Variants in SACS observed in about 807,000 individuals in gnomAD.
SACS encodes the protein sacsin molecular chaperone.
SACS carries 197 observed loss-of-function variants against 348.0 expected under a neutral mutation model. The ratio of observed to expected loss-of-function variants is 0.57; its 90% confidence interval spans 0.50 to 0.64. The LOEUF (loss-of-function observed/expected upper bound fraction) is 0.64. Ranked by LOEUF, SACS falls within the 30% of genes least tolerant of loss-of-function variation. The pLI is 0.00. For missense variants in SACS, 4,999 were observed against 5,360.8 expected (o/e 0.93, Z 2.11); for synonymous variants, 1,985 against 1,910.6 (o/e 1.04, Z -1.02).
rs757343472 is a variant in SACS at position 23,337,386 on chromosome 13, G to A, written c.6490C>T (p.Leu2164=). Reference sequence around the variant, plus strand: ...TCAGCTACTGACACTGCACGTTCTAGCATATCATCCCATAAAATATCATCT... The same window carrying A: ...TCAGCTACTGACACTGCACGTTCTAACATATCATCCCATAAAATATCATCT... ...AKDDILWDDM[L]ERAVSVAEIN... is the part of the protein sequence containing the mutation. Residue 2164 remains leucine, a synonymous_variant, in exon 10 of 10, where the codon CTA becomes TTA. Transcript: ENST00000382292. The A allele has an allele frequency of 1.2e-6, 2 of 1,613,616 alleles. No individual in the cohort carries two copies.
chr13:23,394,366 T>C (rs560116285), intron 2 of SACS, among the ~76,000 whole-genome samples: 149 of 152,312 alleles, frequency 9.8e-4, no homozygotes, highest in Admixed American at 1.3e-3. Context: ...ATGTCTCCCC[T>C]TGGGAATTTC....
intron 2 of SACS, among the ~76,000 whole-genome samples, chr13:23,401,402 C>A (rs1030543822): frequency 6.6e-6 from 1 of 152,220 alleles, no homozygotes; most frequent in African/African-American, 2.4e-5. Context: ...AGTCTTCATG[C>A]CTTTGCTTCA....
chr13:23,407,733 T>C (rs1471464330), intron 2 of SACS, among the ~76,000 whole-genome samples: 1 of 152,184 alleles, frequency 6.6e-6, no homozygotes, highest in African/African-American at 2.4e-5. Flanking sequence ...CCCCACGCCC[T>C]CTTTTTGACA....
intron 2 of SACS, among the ~76,000 whole-genome samples, chr13:23,390,020 T>G (rs7323108): frequency 0.84 from 128,320 of 152,040 alleles, 54,535 homozygotes; most frequent in East Asian, 1. Context: ...AAATTTTCAA[T>G]GGATTTGGTT....
chr13:23,336,391 T>C lies in SACS; in HGVS notation c.7485A>G (p.Lys2495=), dbSNP rs767941919. Residue 2495 remains lysine, a synonymous_variant, in exon 10 of 10, where the codon AAA becomes AAG. Transcript: ENST00000382292. ...HADIPREVAV[K]LGAVPKRHKA... ...TGTGTCGCTTTGGGACTGCTCCTAG[T>C]TTTACTGCTACTTCCCTGGGTATGT... 1.1e-5 allele frequency: 17 copies of C among 1,613,998 alleles called. No individual in the cohort carries two copies. The highest frequency in any genetic ancestry group is 1.6e-4 in the Middle Eastern group (1 of 6,084).
intron 9 of SACS, among the ~76,000 whole-genome samples, chr13:23,351,047 A>G (rs1195124385): frequency 6.6e-6 from 1 of 152,130 alleles, no homozygotes; most frequent in East Asian, 1.9e-4. Flanking sequence ...TATCACAATA[A>G]TCAGTGACAG....
chr13:23,408,346 G>T (rs9578592), intron 2 of SACS, among the ~76,000 whole-genome samples: 10 of 152,122 alleles, frequency 6.6e-5, no homozygotes, highest in Non-Finnish European at 1.3e-4. Context: ...ATATTCTGAG[G>T]CTCCAACATC....
Position 23,340,237 on chromosome 13 carries a change from T to TA in SACS, c.3638dup (p.Leu1213PhefsTer8), listed in dbSNP as rs1306673519. 6.2e-7 allele frequency: 1 copy of TA among 1,610,658 alleles called. No homozygotes were observed. Among genetic ancestry groups the TA allele is most frequent in the Non-Finnish European group, 8.5e-7 (1 of 1,178,112 alleles). ...TAAGGCTAGGTTTTGTGAAGATCCC[T>TA]AATGCTTTTTCCAGGTTTACATGGA... On this transcript the variant is annotated frameshift_variant, in exon 10 of 10. Coordinates refer to ENST00000382292, the MANE Select transcript of SACS (RefSeq NM_014363.6). LOFTEE classifies it high-confidence loss of function.
chr13:23,403,836 T>C (rs1873091005), intron 2 of SACS, among the ~76,000 whole-genome samples: 1 of 152,218 alleles, frequency 6.6e-6, no homozygotes. Flanking sequence ...ATTGTGATGT[T>C]AGGGTGTCAA....
At chr13:23,403,628 G>C (rs775127084) in intron 2 of SACS, among the ~76,000 whole-genome samples, 1 of 152,002 alleles carries the variant, frequency 6.6e-6, no homozygotes, top group Non-Finnish European at 1.5e-5. Context: ...ATGTCTATTT[G>C]ATTCTTCTCT....
At chr13:23,396,150 C>T (rs1872704286) in intron 2 of SACS, among the ~76,000 whole-genome samples, 2 of 151,930 alleles carry the variant, frequency 1.3e-5, no homozygotes, top group Non-Finnish European at 2.9e-5. Flanking sequence ...ATGGTGAAAC[C>T]GTGTCTCTAC....
At position 23,339,270 on chromosome 13, in the gene SACS, C is replaced by T. The variant is rs764832688; in HGVS notation, c.4606G>A (p.Val1536Met). Residue 1536 changes from valine (V) to methionine (M), a missense_variant, in exon 10 of 10, where the codon GTG (valine) becomes ATG (methionine). Val to Met is a conservative substitution (Grantham distance 21). Coordinates refer to ENST00000382292, the MANE Select transcript of SACS (RefSeq NM_014363.6). Reference protein sequence around the residue: ...NNSQFSDSDFVNITRLGESLK... With the variant: ...NNSQFSDSDFMNITRLGESLK... Reference sequence around the variant, plus strand: ...GATTCTCCTAACCTAGTTATGTTCACAAAATCTGAATCTGAGAATTGAGAA... The same window carrying T: ...GATTCTCCTAACCTAGTTATGTTCATAAAATCTGAATCTGAGAATTGAGAA... 2 of 1,602,968 alleles carry T rather than the reference C, an allele frequency of 1.2e-6. No homozygotes were observed. Among genetic ancestry groups the T allele is most frequent in the East Asian group, 2.2e-5 (1 of 44,798 alleles).
Position 23,334,584 on chromosome 13 carries a change from TATC to T in SACS, c.9289_9291del (p.Asp3097del). The T allele has an allele frequency of 6.2e-7, 1 of 1,613,528 alleles. No homozygotes were observed. The highest frequency in any genetic ancestry group is 1.1e-5 in the South Asian group (1 of 91,066). ...GAAAATGTCATTAAAAAAGATCTGA[TATC>T]AGCAGGGGTCACATAACTAACAGGA... On this transcript the variant is annotated inframe_deletion, in exon 10 of 10. Coordinates refer to ENST00000382292, the MANE Select transcript of SACS (RefSeq NM_014363.6).
Position 23,331,148 on chromosome 13 carries a change from T to C in SACS, c.12728A>G (p.Tyr4243Cys), listed in dbSNP as rs1883448354. The change falls in exon 10 of 10, where the codon TAT becomes TGT. Residue 4243 changes from tyrosine (Y) to cysteine (C), a missense_variant. Tyr to Cys is a radical substitution (Grantham distance 194). Coordinates refer to ENST00000382292, the MANE Select transcript of SACS (RefSeq NM_014363.6). ...GCTTTCCTCAGGTCTTGAAAACTTATACAGATCAAGAGAGCTAACTATTTT... is the reference window on the plus strand; with the variant it reads ...GCTTTCCTCAGGTCTTGAAAACTTACACAGATCAAGAGAGCTAACTATTTT... ...EYKIVSSLDL[Y>C]KFSRPEESSQ... The C allele has an allele frequency of 2.5e-6, 4 of 1,614,044 alleles. No individual in the cohort carries two copies. Among genetic ancestry groups the C allele is most frequent in the Non-Finnish European group, 3.4e-6 (4 of 1,179,882 alleles).
At position 23,334,977 on chromosome 13, in the gene SACS, G is replaced by T. The variant is rs746834684; in HGVS notation, c.8899C>A (p.Arg2967Ser). ...KKFLSFFPVNRLDLQPDLYCL... is the reference protein window; with the variant it reads ...KKFLSFFPVNSLDLQPDLYCL... ...TATAAATCTGGCTGTAGATCAAGAC[G>T]GTTAACTGGGAAAAACGATAAAAAC... Residue 2967 changes from arginine to serine, a missense_variant, in exon 10 of 10, where the codon CGT becomes AGT. By Grantham distance (110) the Arg-to-Ser change is moderately radical. Coordinates refer to ENST00000382292, the MANE Select transcript of SACS (RefSeq NM_014363.6). The T allele has an allele frequency of 6.2e-7, 1 of 1,613,806 alleles. No homozygotes were observed. The highest frequency in any genetic ancestry group is 1.6e-4 in the Middle Eastern group (1 of 6,062).
At position 23,337,316 on chromosome 13, in the gene SACS, A is replaced by G; in HGVS notation, c.6560T>C (p.Ile2187Thr). 6.2e-7 allele frequency: 1 copy of G among 1,613,968 alleles called. No homozygotes were observed. The highest frequency in any genetic ancestry group is 8.5e-7 in the Non-Finnish European group (1 of 1,179,912). The change falls in exon 10 of 10, where the codon ATC becomes ACC. Residue 2187 changes from isoleucine (I) to threonine (T), a missense_variant. Transcript: ENST00000382292. ...DHVAACLRSS[I>T]LLSLIDEKLK... ...TTTCTCATCGATAAGACTCAATAAG[A>G]TACTACTTCTTAGGCATGCAGCAAC...
intron 1 of SACS, among the ~76,000 whole-genome samples, chr13:23,432,873 A>G (rs1264853365): frequency 6.6e-6 from 1 of 152,188 alleles, no homozygotes; most frequent in Non-Finnish European, 1.5e-5. Flanking sequence ...GATTAAAGCC[A>G]AAACAATTGA....
rs149691102 is a variant in SACS, at chr13:23,331,522, T to C, written c.12354A>G (p.Ser4118=). ...SATDNLISDT[S]YLIAMLGCND... ...TGCATCCTAGCATAGCAATTAAATA[T>C]GAAGTGTCAGAAATCAAATTGTCAG... Residue 4118 remains serine, a synonymous_variant, in exon 10 of 10, where the codon TCA becomes TCG. Transcript: ENST00000382292. 7.4e-6 allele frequency: 12 copies of C among 1,613,912 alleles called. No individual in the cohort carries two copies. Among genetic ancestry groups the C allele is most frequent in the Non-Finnish European group, 9.3e-6 (11 of 1,179,822 alleles).
chr13:23,423,441 C>T (rs1243054129), intron 1 of SACS, among the ~76,000 whole-genome samples: 1 of 152,240 alleles, frequency 6.6e-6, no homozygotes, highest in Non-Finnish European at 1.5e-5. Context: ...AAAAAACAAT[C>T]TATGTGCGAA....
Sources: allele counts gnomAD v4.1 joint callset (sites outside exome capture counted in the v4.1 genomes callset), GRCh38; gene constraint gnomAD v4.1.1; transcripts MANE v1.5; gene names NCBI Gene and HGNC (gene_info 2026-07-23, HGNC 2026-07-21).